AMMECR1: variants seen among roughly 807,000 people sequenced by gnomAD.
AMMECR1 encodes the protein nuclear protein AMMECR1.
A neutral mutation model predicts 22.5 loss-of-function variants in AMMECR1; 3 were observed. That is an observed-to-expected ratio of 0.13 (90% CI 0.06 to 0.35). The LOEUF (loss-of-function observed/expected upper bound fraction) is 0.35. Ranked by LOEUF, AMMECR1 falls within the 10% of genes least tolerant of loss-of-function variation. The probability of loss-of-function intolerance (pLI) is 1.00; values close to 1 mark genes in which losing one functional copy is unlikely to be tolerated. For missense variants in AMMECR1, 235 were observed against 278.7 expected (o/e 0.84, Z 1.12); for synonymous variants, 130 against 116.7 (o/e 1.11, Z -0.74).
At chrX:110,419,297 C>T (rs1411271386) in intron 2 of AMMECR1, among the ~76,000 whole-genome samples, 3 of 112,363 alleles carry the variant, frequency 2.7e-5, no homozygotes, top group African/African-American at 9.7e-5. Context: ...GGCCTTTGTT[C>T]GTGCTCCTGC....
At chrX:110,439,444 C>A (rs1180819236) in intron 1 of AMMECR1, among the ~76,000 whole-genome samples, 1 of 112,176 alleles carries the variant, frequency 8.9e-6, no homozygotes, top group Non-Finnish European at 1.9e-5. Flanking sequence ...TTTATTTATA[C>A]CCTACCGCTT....
intron 1 of AMMECR1, among the ~76,000 whole-genome samples, chrX:110,275,890 G>A (rs887354646): frequency 5.4e-5 from 6 of 111,402 alleles, no homozygotes; most frequent in African/African-American, 2.0e-4. Flanking sequence ...TGGTTTTTCT[G>A]TTTTGGATAC....
At position 110,201,025 on chromosome X, in the gene AMMECR1, G is replaced by A; in HGVS notation, c.816C>T (p.Asp272=). 2.5e-6 allele frequency: 3 copies of A among 1,203,325 alleles called. No homozygotes were observed. Among genetic ancestry groups the A allele is most frequent in the South Asian group, 1.8e-5 (1 of 56,735 alleles). The change falls in exon 5 of 6, where the codon GAC becomes GAT. Residue 272 remains aspartate (D), a synonymous_variant. Coordinates refer to ENST00000262844, the MANE Select transcript of AMMECR1 (RefSeq NM_015365.3). The part of the protein sequence containing the change: ...EQGWDHIQTI[D]SLLRKGGYKA... ...TGTATCCTCCTTTCCTCAATAAGGA[G>A]TCTATGGTCTGTATATGGTCCCATC...
chrX:110,294,709 T>C (rs1465776263), intron 1 of AMMECR1, among the ~76,000 whole-genome samples: 1 of 112,029 alleles, frequency 8.9e-6, no homozygotes, highest in Non-Finnish European at 1.9e-5. Flanking sequence ...ATGTAAGTTA[T>C]AATGGTATTT....
In AMMECR1 at chrX:110,265,435, A is replaced by C. The variant is rs146541284; in HGVS notation, c.474-836T>G. Among the ~76,000 whole-genome samples, 33 of 112,044 alleles carry C rather than the reference A, an allele frequency of 2.9e-4. No homozygotes were observed. In the East Asian group the frequency reaches 9.2e-3, roughly 31 times the overall value. On this transcript the variant is annotated intron_variant, in intron 1 of 5. Transcript: ENST00000262844. ...TGCAAATACAATCTCTCAAGCATCAAAGAACAAAGTATCAATTATAACAAA... is the reference window on the plus strand; with the variant it reads ...TGCAAATACAATCTCTCAAGCATCACAGAACAAAGTATCAATTATAACAAA...
At chrX:110,425,980 GCACA>G (rs72103134) in intron 2 of AMMECR1, among the ~76,000 whole-genome samples, 3 of 109,433 alleles carry the variant, frequency 2.7e-5, no homozygotes, top group East Asian at 2.9e-4. Context: ...GTGCGTGCGC[GCACA>G]CACACACACA....
chrX:110,381,408 A>C (rs1016250369), intron 2 of AMMECR1, among the ~76,000 whole-genome samples: 1 of 112,078 alleles, frequency 8.9e-6, no homozygotes, highest in Non-Finnish European at 1.9e-5. Context: ...GGCTATTATT[A>C]AAACGTCAAA....
At chrX:110,215,878 T>C (rs1257759066) in intron 3 of AMMECR1, among the ~76,000 whole-genome samples, 3 of 111,641 alleles carry the variant, frequency 2.7e-5, no homozygotes, top group Admixed American at 9.5e-5. Flanking sequence ...GTGAGAACCT[T>C]TGAACTTCAC....
intron 1 of AMMECR1, among the ~76,000 whole-genome samples, chrX:110,299,471 A>G: frequency 8.9e-6 from 1 of 112,231 alleles, no homozygotes; most frequent in East Asian, 2.8e-4. Flanking sequence ...ATGTGAGAAA[A>G]GACACATCAA....
intron 2 of AMMECR1, among the ~76,000 whole-genome samples, chrX:110,402,478 G>A (rs1012260757): frequency 8.9e-6 from 1 of 112,920 alleles, no homozygotes; most frequent in Non-Finnish European, 1.9e-5. Flanking sequence ...ACTCCCCACG[G>A]AAGAGGAAGG....
At chrX:110,306,738 G>T (rs750025754) in intron 1 of AMMECR1, 1 of 111,749 alleles carries the variant, frequency 8.9e-6, no homozygotes, top group South Asian at 3.8e-4. Flanking sequence ...GATCACAGGC[G>T]TGAGCCACCG....
At chrX:110,397,166 G>T (rs909958310) in intron 2 of AMMECR1, among the ~76,000 whole-genome samples, 14 of 111,118 alleles carry the variant, frequency 1.3e-4, no homozygotes, top group African/African-American at 4.6e-4. Context: ...TTGTTCCAAA[G>T]ACTTACTCTT....
intron 1 of AMMECR1, among the ~76,000 whole-genome samples, chrX:110,278,508 A>G: frequency 8.9e-6 from 1 of 111,925 alleles, no homozygotes; most frequent in East Asian, 2.8e-4. Flanking sequence ...CTTACTTATA[A>G]AGCAGACTTC....
At chrX:110,396,155 A>G (rs934671764) in intron 2 of AMMECR1, among the ~76,000 whole-genome samples, 5 of 111,465 alleles carry the variant, frequency 4.5e-5, no homozygotes, top group Non-Finnish European at 9.4e-5. Context: ...AGTATTAGTC[A>G]TACCTATTTG....
At chrX:110,292,208 A>T (rs757415818) in intron 1 of AMMECR1, among the ~76,000 whole-genome samples, 1 of 112,577 alleles carries the variant, frequency 8.9e-6, no homozygotes, top group Non-Finnish European at 1.9e-5. Flanking sequence ...GTGCTGATAC[A>T]GAAGTATCTC....
chrX:110,356,233 A>T (rs1291814936), intron 2 of AMMECR1, among the ~76,000 whole-genome samples: 1 of 105,723 alleles, frequency 9.5e-6, no homozygotes, highest in Non-Finnish European at 1.9e-5. Flanking sequence ...GCTCACTGCA[A>T]CCTTCACCTC....
chrX:110,222,367 A>G (rs1235342340), intron 2 of AMMECR1, among the ~76,000 whole-genome samples: 3 of 91,674 alleles, frequency 3.3e-5, no homozygotes, highest in Admixed American at 1.2e-4. Flanking sequence ...AACACCACAT[A>G]TTCTCACTCA....
chrX:110,322,481 A>G (rs1186871005), upstream of AMMECR1, among the ~76,000 whole-genome samples: 2 of 111,723 alleles, frequency 1.8e-5, no homozygotes, highest in East Asian at 5.6e-4. Context: ...ACATAATGAA[A>G]CCCAATTGGC....
chrX:110,421,578 T>C (rs1339732752), intron 2 of AMMECR1, among the ~76,000 whole-genome samples: 3 of 112,802 alleles, frequency 2.7e-5, no homozygotes, highest in African/African-American at 9.7e-5. Context: ...CGACAGGTAT[T>C]ACTGATGGTA....
Sources: gnomAD v4.1 joint callset for allele counts (sites outside exome capture counted in the v4.1 genomes callset) on GRCh38, gnomAD v4.1.1 for gene constraint, MANE v1.5 for transcripts, NCBI Gene and HGNC (gene_info 2026-07-23, HGNC 2026-07-21) for gene names.